Variants in HGD observed in about 807,000 individuals in gnomAD.
HGD encodes homogentisate oxidase.
Under a neutral mutation model 60.8 loss-of-function variants are expected in HGD, and 61 were observed. The observed-to-expected ratio is 1.00, with a 90% CI of 0.82 to 1.24. HGD has a LOEUF of 1.24. Ranked by LOEUF, HGD falls within the 50% of genes most tolerant of loss-of-function variation. The probability of loss-of-function intolerance (pLI) is 0.00; values close to 1 mark genes in which losing one functional copy is unlikely to be tolerated. For synonymous variants in HGD, 212 were observed against 187.7 expected, an observed-to-expected ratio of 1.13 and a Z score of -1.06; for missense variants, 542 against 547.1, an observed-to-expected ratio of 0.99 and a Z score of 0.09.
intron 10 of HGD, among the ~76,000 whole-genome samples, chr3:120,644,010 C>A (rs1290067885): frequency 6.6e-6 from 1 of 152,132 alleles, no homozygotes; most frequent in Non-Finnish European, 1.5e-5. Context: ...TTATAGAAAC[C>A]TACATATTGC....
At chr3:120,669,178 C>T (rs1707968569) in intron 4 of HGD, among the ~76,000 whole-genome samples, 1 of 152,092 alleles carries the variant, frequency 6.6e-6, no homozygotes, top group Non-Finnish European at 1.5e-5. Flanking sequence ...GCAAGACTCT[C>T]ACCCCTATGC....
chr3:120,673,428 C>T (rs1209469799), intron 3 of HGD, among the ~76,000 whole-genome samples: 1 of 152,096 alleles, frequency 6.6e-6, no homozygotes, highest in Non-Finnish European at 1.5e-5. Context: ...AAGTCAAGAA[C>T]ATAGTCATAG....
chr3:120,643,095 C>G (rs1941039980), intron 10 of HGD, among the ~76,000 whole-genome samples: 1 of 152,158 alleles, frequency 6.6e-6, no homozygotes, highest in African/African-American at 2.4e-5. Flanking sequence ...CAAAGCTTAT[C>G]ATTTTTTGCA....
In HGD at chr3:120,665,275, G is replaced by A. The variant is rs1707872597; in HGVS notation, c.282+5152C>T. On this transcript the variant is annotated intron_variant, in intron 4 of 13. Transcript: ENST00000283871. ...ATTAGCTTTGAGGTATTTCTCACTT[G>A]ATCCAAATTATACTGGTTAAGAACC... Among the ~76,000 whole-genome samples the A allele has an allele frequency of 1.3e-5, 2 of 152,182 alleles. 1 individual carries two copies. The highest frequency in any genetic ancestry group is 1.3e-4 in the Admixed American group (2 of 15,280).
chr3:120,639,491 A>G (rs1391836468), intron 11 of HGD, among the ~76,000 whole-genome samples: 1 of 152,160 alleles, frequency 6.6e-6, no homozygotes, highest in Non-Finnish European at 1.5e-5. Flanking sequence ...AACACCAGCT[A>G]AAAGGATTCT....
rs1350962027 is a variant in HGD, at chr3:120,674,886, A to G, written c.176+15T>C. The G allele has an allele frequency of 6.4e-7, 1 of 1,570,020 alleles. No homozygotes were observed. Among genetic ancestry groups the G allele is most frequent in the East Asian group, 2.2e-5 (1 of 44,630 alleles). The stretch of plus-strand genomic sequence containing the variant: ...ACCCACAGTCTGCAGGTCAGAATTC[A>G]TCTAATCCTTGTACCTTCTCTTATT... On this transcript the variant is annotated intron_variant, in intron 3 of 13. Coordinates refer to ENST00000283871, the MANE Select transcript of HGD (RefSeq NM_000187.4).
At chr3:120,647,974 A>G (rs1941217485) in intron 6 of HGD, 63 bp from the exon 7 acceptor site, 6 of 1,308,208 alleles carry the variant, frequency 4.6e-6, no homozygotes, top group Non-Finnish European at 6.7e-6. Context: ...AAATTACGTC[A>G]TAACACAAAT....
At chr3:120,668,179 C>T (rs1458835520) in intron 4 of HGD, among the ~76,000 whole-genome samples, 1 of 152,094 alleles carries the variant, frequency 6.6e-6, no homozygotes, top group East Asian at 1.9e-4. Flanking sequence ...GTTTAAGGGT[C>T]AATTATTTAG....
At chr3:120,668,543 A>C (rs1008193082) in intron 4 of HGD, among the ~76,000 whole-genome samples, 3 of 151,868 alleles carry the variant, frequency 2.0e-5, no homozygotes, top group Non-Finnish European at 4.4e-5. Context: ...GGAGAGAGAG[A>C]GTAGGAGGGA....
At chr3:120,672,735 C>T (rs1708050859) in intron 3 of HGD, among the ~76,000 whole-genome samples, 4 of 152,184 alleles carry the variant, frequency 2.6e-5, no homozygotes, top group Admixed American at 2.6e-4. Context: ...TCATCCTTGT[C>T]ACCTAAGATT....
intron 13 of HGD, among the ~76,000 whole-genome samples, chr3:120,631,389 T>G (rs1020497808): frequency 6.6e-6 from 1 of 152,218 alleles, no homozygotes; most frequent in Non-Finnish European, 1.5e-5. Flanking sequence ...GGATAAATGC[T>G]TGAGGTAATG....
chr3:120,676,441 AG>A (rs67927044), intron 1 of HGD, among the ~76,000 whole-genome samples: 65,728 of 151,900 alleles, frequency 0.43, 15,271 homozygotes, highest in African/African-American at 0.6. Flanking sequence ...TTACACCCAG[AG>A]GAAAAAAAAA....
At chr3:120,640,443 A>T (rs910171201) in intron 11 of HGD, among the ~76,000 whole-genome samples, 1 of 152,234 alleles carries the variant, frequency 6.6e-6, no homozygotes, top group Admixed American at 6.5e-5. Context: ...AGAGCATCAA[A>T]CACCATGCTT....
chr3:120,647,511 A>G (rs1301381351), intron 7 of HGD, among the ~76,000 whole-genome samples: 1 of 152,216 alleles, frequency 6.6e-6, no homozygotes, highest in Non-Finnish European at 1.5e-5. Flanking sequence ...ATTTGAATTT[A>G]AATTGCAGTT....
intron 12 of HGD, among the ~76,000 whole-genome samples, chr3:120,636,183 G>A (rs1940770595): frequency 6.6e-6 from 1 of 151,284 alleles, no homozygotes; most frequent in East Asian, 1.9e-4. Context: ...AGGAGACTGA[G>A]CGGGGAGGAT....
At chr3:120,634,807 T>G (rs1940707100) in intron 12 of HGD, among the ~76,000 whole-genome samples, 1 of 152,160 alleles carries the variant, frequency 6.6e-6, no homozygotes, top group Non-Finnish European at 1.5e-5. Flanking sequence ...CCCACCCTGC[T>G]CAGAAACAGA....
intron 6 of HGD, among the ~76,000 whole-genome samples, chr3:120,649,018 C>T (rs1941249169): frequency 6.6e-6 from 1 of 152,044 alleles, no homozygotes; most frequent in East Asian, 1.9e-4. Context: ...TTAAGTCCTC[C>T]TGAGCCCTGT....
chr3:120,657,209 G>A (rs367852626), intron 4 of HGD, among the ~76,000 whole-genome samples: 5 of 151,982 alleles, frequency 3.3e-5, no homozygotes, highest in African/African-American at 1.2e-4. Flanking sequence ...GAAATGAGGT[G>A]GTCAAAAATA....
chr3:120,679,505 T>A (rs1380846305), intron 1 of HGD, among the ~76,000 whole-genome samples: 7 of 152,330 alleles, frequency 4.6e-5, no homozygotes, highest in African/African-American at 1.4e-4. Context: ...GCTTAACCCC[T>A]GAAACCTGTG....
Sources: allele counts gnomAD v4.1 joint callset (sites outside exome capture counted in the v4.1 genomes callset), GRCh38; gene constraint gnomAD v4.1.1; transcripts MANE v1.5; gene names NCBI Gene and HGNC (gene_info 2026-07-23, HGNC 2026-07-21).